BZW1: variants seen among roughly 807,000 people sequenced by gnomAD.
The protein encoded by BZW1 is eIF5-mimic protein 2.
In BZW1, 3 loss-of-function variants were observed where a neutral mutation model predicts 54.1. The observed-to-expected ratio is 0.06, with a 90% CI of 0.03 to 0.14. The LOEUF is 0.14. Ranked by LOEUF, BZW1 falls within the 10% of genes least tolerant of loss-of-function variation. The probability of loss-of-function intolerance (pLI) is 1.00; values close to 1 mark genes in which losing one functional copy is unlikely to be tolerated. For missense variants in BZW1, 206 were observed against 491.7 expected, an observed-to-expected ratio of 0.42 and a Z score of 5.50; for synonymous variants, 152 against 162.7, an observed-to-expected ratio of 0.93 and a Z score of 0.50.
At chr2:200,814,352 A>T (rs1483144388) in intron 2 of BZW1, among the ~76,000 whole-genome samples, 2 of 152,184 alleles carry the variant, frequency 1.3e-5, no homozygotes, top group Non-Finnish European at 2.9e-5. Flanking sequence ...TGGGTAGGGT[A>T]TACAACACTC....
Position 200,818,259 on chromosome 2 carries a change from T to G in BZW1, c.685T>G (p.Phe229Val). 1 of 1,602,330 alleles carries G rather than the reference T, an allele frequency of 6.2e-7. No homozygotes were observed. Among genetic ancestry groups the G allele is most frequent in the Non-Finnish European group, 8.5e-7 (1 of 1,174,662 alleles). ...FPANKQSVEHFTKYFTEAGLK... is the reference protein window; with the variant it reads ...FPANKQSVEHVTKYFTEAGLK... The stretch of plus-strand genomic sequence containing the variant: ...TGCCAATAAGCAAAGTGTTGAACAC[T>G]TCACAAAATATTTTACTGAGGCAGG... Residue 229 changes from phenylalanine (F) to valine (V), a missense_variant, in exon 8 of 12, where the codon TTC becomes GTC. By Grantham distance (50) the Phe-to-Val change is conservative (BLOSUM62 -1). Around this residue, in one of 5 missense-constraint regions of BZW1, gnomAD observed 81 missense variants for 257.1 expected, o/e 0.32. Transcript: ENST00000409600.
At chr2:200,817,858 TTG>T in intron 6 of BZW1, 114 bp from the exon 7 acceptor site, 2 of 701,254 alleles carry the variant, frequency 2.9e-6, no homozygotes, top group South Asian at 2.2e-5. Context: ...AGGGTTAAGT[TTG>T]TGAGGAAAGT....
chr2:200,812,478 C>T, intron 1 of BZW1: 2 of 1,335,774 alleles, frequency 1.5e-6, no homozygotes, highest in Non-Finnish European at 1.9e-6. Flanking sequence ...CGGCGGCCGC[C>T]ACCGCAGGCG....
intron 1 of BZW1, 59 bp downstream of exon 1, chr2:200,812,049 G>A (rs2038084580): frequency 2.4e-6 from 1 of 421,070 alleles, no homozygotes; most frequent in Non-Finnish European, 4.0e-6. Flanking sequence ...ACGCCGGGCA[G>A]AGGGAGAGGG....
In BZW1 at chr2:200,822,228, G is replaced by A; in HGVS notation, c.*50G>A. On this transcript the variant is annotated 3_prime_UTR_variant, in exon 12 of 12. Transcript: ENST00000409600. The stretch of plus-strand genomic sequence containing the variant: ...AGCAAACAGGAGTTGTAGATAAAAT[G>A]TCATGTCTCATGTGTCCTGGTTCTT... 2.0e-6 allele frequency: 3 copies of A among 1,485,328 alleles called. No individual in the cohort carries two copies. The highest frequency in any genetic ancestry group is 2.8e-6 in the Non-Finnish European group (3 of 1,079,100). The allele number at this position is 1,485,328 out of a possible 1,614,324, so 92.0% of individuals were successfully genotyped here. A position where few individuals can be genotyped will look rare whatever the true frequency, so the allele number is the denominator to read the frequency against.
At chr2:200,819,794 C>T (rs991346407) in intron 9 of BZW1, among the ~76,000 whole-genome samples, 188 bp from the exon 10 acceptor site, 1 of 152,128 alleles carries the variant, frequency 6.6e-6, no homozygotes, top group African/African-American at 2.4e-5. Flanking sequence ...CCTCGGCCTC[C>T]CAAAGTGCTG....
In BZW1 at chr2:200,818,392, A is replaced by G. The variant is rs1414526076; in HGVS notation, c.818A>G (p.Asp273Gly). 1.9e-6 allele frequency: 3 copies of G among 1,596,840 alleles called. No homozygotes were observed. The highest frequency in any genetic ancestry group is 1.7e-6 in the Non-Finnish European group (2 of 1,176,252). ...ATGTCCCGTGGTGATCCATTTAAGG[A>G]TGTAAGTTTTTGTTTAAACCGTCTT... ...EQMSRGDPFK[D>G]IILYVKEEMK... The change falls in exon 8 of 12, where the codon GAT (aspartate) becomes GGT (glycine). Residue 273 changes from aspartate to glycine, a missense_variant and splice_region_variant. Physicochemically the swap from Asp to Gly is moderately conservative, Grantham distance 94 (BLOSUM62 -1). Transcript: ENST00000409600.
At chr2:200,816,786 C>T (rs1459960603) in intron 5 of BZW1, among the ~76,000 whole-genome samples, 3 of 152,152 alleles carry the variant, frequency 2.0e-5, no homozygotes, top group Admixed American at 6.5e-5. Context: ...ACACGCCTGG[C>T]CCAATATTGC....
rs1575056468 is a variant in BZW1 at position 200,819,007 on chromosome 2, T to G, written c.966+106T>G. 10 of 1,286,720 alleles carry G rather than the reference T, an allele frequency of 7.8e-6. No individual in the cohort carries two copies. The South Asian group carries it at 1.4e-4, about 18-fold the overall frequency. 79.7% of individuals were successfully genotyped at this position (1,286,720 alleles called of 1,614,324 possible). A position where few individuals can be genotyped will look rare whatever the true frequency, so the allele number is the denominator to read the frequency against. ...AGGATTTATCACATCCTGTGGTTCC[T>G]AGGGATGGCCCACCAGTAAATAAAC... On this transcript the variant is annotated intron_variant, in intron 9 of 11. Coordinates refer to ENST00000409600, the MANE Select transcript of BZW1 (RefSeq NM_001207067.2).
At chr2:200,819,761 C>T (rs2038439247) in intron 9 of BZW1, among the ~76,000 whole-genome samples, 1 of 152,082 alleles carries the variant, frequency 6.6e-6, no homozygotes. Context: ...GTCTCGAACT[C>T]CTGACCTCAA....
intron 6 of BZW1, among the ~76,000 whole-genome samples, chr2:200,817,451 A>C (rs1187182034): frequency 2.0e-5 from 3 of 152,238 alleles, no homozygotes; most frequent in African/African-American, 7.2e-5. Flanking sequence ...AGATACCCAG[A>C]TTTAGACAAA....
chr2:200,815,773 T>C lies in BZW1; in HGVS notation c.336+12T>C, dbSNP rs189344246. 2.0e-6 allele frequency: 3 copies of C among 1,530,384 alleles called. No homozygotes were observed. In the East Asian group the frequency reaches 7.2e-5, roughly 37 times the overall value. The allele number at this position is 1,530,384 out of a possible 1,614,324, so 94.8% of individuals were successfully genotyped here. ...AAGCATTTGCTCAGGTAAATGAAAC[T>C]TTACATAATTGTTTTCAGTTGGCTA... On this transcript the variant is annotated intron_variant, in intron 4 of 11. Transcript: ENST00000409600.
Position 200,824,782 on chromosome 2 carries a change from CTG to C in BZW1, c.*2605_*2606del, listed in dbSNP as rs2038648396. On this transcript the variant is annotated 3_prime_UTR_variant, in exon 12 of 12. Coordinates refer to ENST00000409600, the MANE Select transcript of BZW1 (RefSeq NM_001207067.2). ...CGCCTCCCGGGTTCACGCCATTCTC[CTG>C]CCTCAGCCTCCCGAGTAGCTGGGAC... 2 of 151,402 alleles carry C rather than the reference CTG, an allele frequency of 1.3e-5. No individual in the cohort carries two copies. The highest frequency in any genetic ancestry group is 4.9e-5 in the African/African-American group (2 of 41,100). The allele number at this position is 151,402 out of a possible 1,614,324, so 9.4% of individuals were successfully genotyped here. A position where few individuals can be genotyped will look rare whatever the true frequency, so the allele number is the denominator to read the frequency against.
intron 2 of BZW1, among the ~76,000 whole-genome samples, chr2:200,814,088 A>G (rs1458810701): frequency 7.9e-5 from 12 of 152,206 alleles, no homozygotes; most frequent in Non-Finnish European, 5.9e-5. Context: ...CCAAAGTGTG[A>G]TTTGATTCTA....
rs937685189 is a variant in BZW1 at position 200,825,280 on chromosome 2, A to T, written c.*3102A>T. 4.2e-5 allele frequency: 4 copies of T among 94,828 alleles called. No individual in the cohort carries two copies. Among genetic ancestry groups the T allele is most frequent in the Non-Finnish European group, 9.0e-5 (3 of 33,270 alleles). The allele number at this position is 94,828 out of a possible 1,614,324, so 5.9% of individuals were successfully genotyped here. ...TCACCACGTTGATCAGGCTGGTCTC[A>T]AACTCCTGACCTCGTGGTCTGCCTG... On this transcript the variant is annotated 3_prime_UTR_variant, in exon 12 of 12. Coordinates refer to ENST00000409600, the MANE Select transcript of BZW1 (RefSeq NM_001207067.2).
intron 6 of BZW1, among the ~76,000 whole-genome samples, chr2:200,817,710 G>A (rs1444207742): frequency 1.3e-5 from 2 of 152,024 alleles, no homozygotes; most frequent in Non-Finnish European, 2.9e-5. Context: ...TCTCACAACA[G>A]TCTTGTCAAG....
At chr2:200,812,872 T>C (rs1324786566) in intron 1 of BZW1, 1 of 654,634 alleles carries the variant, frequency 1.5e-6, no homozygotes, top group Non-Finnish European at 2.9e-6. Flanking sequence ...CGATGCTTAG[T>C]GGTCGTGGAA....
In BZW1 at chr2:200,826,143, A is replaced by G. The variant is rs1305064116; in HGVS notation, c.*3965A>G. On this transcript the variant is annotated 3_prime_UTR_variant, in exon 12 of 12. Transcript: ENST00000409600. Reference sequence around the variant, plus strand: ...ATGAGTTTATAATTGGCTTTTGTCCAAAAACTCTTAAGTGGATTAATATCT... The same window carrying G: ...ATGAGTTTATAATTGGCTTTTGTCCGAAAACTCTTAAGTGGATTAATATCT... The G allele has an allele frequency of 6.6e-6, 1 of 152,198 alleles. No homozygotes were observed. Among genetic ancestry groups the G allele is most frequent in the Non-Finnish European group, 1.5e-5 (1 of 68,036 alleles). 9.4% of individuals were successfully genotyped at this position (152,198 alleles called of 1,614,324 possible). A position where few individuals can be genotyped will look rare whatever the true frequency, so the allele number is the denominator to read the frequency against.
chr2:200,813,389 CAGAA>C (rs2038162344), intron 2 of BZW1, 108 bp downstream of exon 2: 2 of 958,562 alleles, frequency 2.1e-6, no homozygotes, highest in Admixed American at 2.7e-5. Context: ...AAGAAGATAC[CAGAA>C]AGAAACTTGA....
Sources: gnomAD v4.1 joint callset for allele counts (sites outside exome capture counted in the v4.1 genomes callset) on GRCh38, gnomAD v4.1.1 for gene constraint, gnomAD v4.1.1 regional missense constraint, MANE v1.5 for transcripts, NCBI Gene and HGNC (gene_info 2026-07-23, HGNC 2026-07-21) for gene names.